Variants in DCLK1 observed in about 807,000 individuals in gnomAD.
DCLK1 encodes the protein doublecortin like kinase 1, also known as serine/threonine-protein kinase DCLK1.
Under a neutral mutation model 86.2 loss-of-function variants are expected in DCLK1, and 16 were observed. That is an observed-to-expected ratio of 0.19 (90% CI 0.13 to 0.28). The LOEUF (loss-of-function observed/expected upper bound fraction) is 0.28, where lower values mean the gene tolerates loss of function less well. Among genes scored for constraint, DCLK1 ranks in the 10% least tolerant of loss-of-function variants. The pLI, the probability that DCLK1 is intolerant of heterozygous loss-of-function variation, is 1.00. For missense variants in DCLK1, 590 were observed against 940.2 expected, an observed-to-expected ratio of 0.63 and a Z score of 4.87; for synonymous variants, 369 against 370.5, an observed-to-expected ratio of 1.00 and a Z score of 0.05.
chr13:36,044,164 T>C (rs1343246867), intron 3 of DCLK1, among the ~76,000 whole-genome samples: 1 of 152,158 alleles, frequency 6.6e-6, no homozygotes, highest in Non-Finnish European at 1.5e-5. Flanking sequence ...CCATATGACA[T>C]GAAGGCTCCC....
At chr13:35,921,036 C>T (rs575811799) in intron 4 of DCLK1, among the ~76,000 whole-genome samples, 4 of 152,154 alleles carry the variant, frequency 2.6e-5, no homozygotes, top group Non-Finnish European at 5.9e-5. Context: ...TATTTTGAAG[C>T]GACCTAACTG....
At chr13:36,072,082 G>T (rs1883994427) in intron 3 of DCLK1, among the ~76,000 whole-genome samples, 2 of 152,090 alleles carry the variant, frequency 1.3e-5, no homozygotes, top group Non-Finnish European at 2.9e-5. Context: ...CTTCCTGAAA[G>T]ACTTGTCTAT....
At chr13:35,891,088 G>A (rs1162739853) in intron 4 of DCLK1, among the ~76,000 whole-genome samples, 2 of 151,874 alleles carry the variant, frequency 1.3e-5, no homozygotes, top group Admixed American at 1.3e-4. Flanking sequence ...ACTGTAAGGA[G>A]ACTATCCAAT....
At chr13:36,022,202 A>G (rs1881813815) in intron 3 of DCLK1, among the ~76,000 whole-genome samples, 1 of 152,116 alleles carries the variant, frequency 6.6e-6, no homozygotes, top group African/African-American at 2.4e-5. Context: ...ACCACAATGG[A>G]AATTACAAAA....
chr13:36,003,640 T>C (rs1166050421), intron 3 of DCLK1, among the ~76,000 whole-genome samples: 1 of 152,134 alleles, frequency 6.6e-6, no homozygotes, highest in Non-Finnish European at 1.5e-5. Flanking sequence ...ATACAAAATA[T>C]ACAGCCTATC....
chr13:36,127,699 T>C (rs1886237580), intron 1 of DCLK1, among the ~76,000 whole-genome samples: 1 of 152,208 alleles, frequency 6.6e-6, no homozygotes, highest in Non-Finnish European at 1.5e-5. Flanking sequence ...CTTTCCTTTC[T>C]GGCAAGAGAG....
At chr13:36,059,800 A>G (rs1237144203) in intron 3 of DCLK1, among the ~76,000 whole-genome samples, 1 of 152,130 alleles carries the variant, frequency 6.6e-6, no homozygotes, top group African/African-American at 2.4e-5. Context: ...AGAATACCCT[A>G]AAGCCTGAAG....
chr13:35,933,795 C>T (rs1876594448), intron 4 of DCLK1, among the ~76,000 whole-genome samples: 1 of 152,202 alleles, frequency 6.6e-6, no homozygotes. Context: ...CTCTGACATG[C>T]CCTGGAGACA....
At chr13:36,003,813 T>C (rs1880829405) in intron 3 of DCLK1, among the ~76,000 whole-genome samples, 1 of 152,202 alleles carries the variant, frequency 6.6e-6, no homozygotes, top group Admixed American at 6.5e-5. Flanking sequence ...TGAAAAGATA[T>C]TTTATGGAAG....
chr13:35,971,404 C>A (rs1158261402), intron 3 of DCLK1, among the ~76,000 whole-genome samples: 3 of 152,148 alleles, frequency 2.0e-5, no homozygotes, highest in Non-Finnish European at 4.4e-5. Context: ...AGACTTAGAG[C>A]TTGATGACAC....
At chr13:36,078,088 G>A (rs1884274728) in intron 3 of DCLK1, among the ~76,000 whole-genome samples, 1 of 152,178 alleles carries the variant, frequency 6.6e-6, no homozygotes, top group Non-Finnish European at 1.5e-5. Context: ...ATAAAATCAT[G>A]AGGGTGGAGC....
At chr13:36,094,496 C>T (rs927134717) in intron 3 of DCLK1, among the ~76,000 whole-genome samples, 8 of 152,146 alleles carry the variant, frequency 5.3e-5, no homozygotes, top group Middle Eastern at 3.2e-3. Context: ...CTCAGAAATG[C>T]GGACTCTTAC....
intron 3 of DCLK1, among the ~76,000 whole-genome samples, chr13:35,952,814 T>G (rs1269701274): frequency 6.6e-6 from 1 of 152,194 alleles, no homozygotes; most frequent in Non-Finnish European, 1.5e-5. Flanking sequence ...TGCATGAGAC[T>G]CTATGTGATG....
intron 8 of DCLK1, among the ~76,000 whole-genome samples, chr13:35,830,159 G>A (rs1344324320): frequency 6.6e-6 from 1 of 152,156 alleles, no homozygotes; most frequent in African/African-American, 2.4e-5. Flanking sequence ...GCCAAGGTGG[G>A]CGGATCACTT....
chr13:36,008,180 T>TC (rs80177466), intron 3 of DCLK1, among the ~76,000 whole-genome samples: 7 of 139,540 alleles, frequency 5.0e-5, no homozygotes, highest in African/African-American at 1.8e-4. Flanking sequence ...TCTTTTTTTT[T>TC]TCAGAGTCCA....
intron 5 of DCLK1, among the ~76,000 whole-genome samples, chr13:35,854,980 A>G (rs1385551412): frequency 1.3e-5 from 2 of 152,194 alleles, no homozygotes; most frequent in African/African-American, 2.4e-5. Context: ...GAATAAATAT[A>G]AGCACAGATC....
chr13:35,817,969 AC>A lies in DCLK1; in HGVS notation c.1554+4759del, dbSNP rs1430517641. 7.2e-5 allele frequency among the ~76,000 whole-genome samples: 11 copies of A among 152,118 alleles called. No individual in the cohort carries two copies. In the East Asian group the frequency reaches 2.1e-3, roughly 29 times the overall value. ...TTTATCTCTTGTTTAATTTCTTCTT[AC>A]CAGTTTTGGACCTTTATAGAGCCAA... On this transcript the variant is annotated intron_variant, in intron 11 of 16. Coordinates refer to ENST00000360631, the MANE Select transcript of DCLK1 (RefSeq NM_001330071.2).
At chr13:35,873,768 TG>T (rs1454472244) in intron 4 of DCLK1, among the ~76,000 whole-genome samples, 1 of 152,194 alleles carries the variant, frequency 6.6e-6, no homozygotes, top group East Asian at 1.9e-4. Flanking sequence ...AAAAAATCTT[TG>T]CCAATTTCTA....
intron 4 of DCLK1, among the ~76,000 whole-genome samples, chr13:35,913,257 T>C (rs113572450): frequency 0.03 from 4,494 of 152,288 alleles, 89 homozygotes; most frequent in Middle Eastern, 0.044. Context: ...AAAGCACTAT[T>C]AATGCAGGGT....
Sources: allele counts gnomAD v4.1 joint callset (sites outside exome capture counted in the v4.1 genomes callset), GRCh38; gene constraint gnomAD v4.1.1; transcripts MANE v1.5; gene names NCBI Gene and HGNC (gene_info 2026-07-23, HGNC 2026-07-21).